Variants in ADAMTS19 observed in about 807,000 individuals in gnomAD.
ADAMTS19 encodes ADAM metallopeptidase with thrombospondin type 1 motif 19, also known as A disintegrin and metalloproteinase with thrombospondin motifs 19.
In ADAMTS19, 93 loss-of-function variants were observed where a neutral mutation model predicts 153.3. The observed-to-expected ratio is 0.61, with a 90% CI of 0.51 to 0.72. ADAMTS19 has a LOEUF of 0.72. Among genes scored for constraint, ADAMTS19 ranks in the 30% least tolerant of loss-of-function variants. The probability of loss-of-function intolerance (pLI) is 0.00; values close to 1 mark genes in which losing one functional copy is unlikely to be tolerated. For missense variants in ADAMTS19, 1,482 were observed against 1,552.1 expected, an observed-to-expected ratio of 0.95 and a Z score of 0.76; for synonymous variants, 600 against 556.6, an observed-to-expected ratio of 1.08 and a Z score of -1.10.
intron 6 of ADAMTS19, among the ~76,000 whole-genome samples, chr5:129,536,420 T>G (rs1430572790): frequency 2.6e-5 from 4 of 152,168 alleles, no homozygotes; most frequent in African/African-American, 7.2e-5. Context: ...CAACAGGTGC[T>G]GGAGAGGATG....
chr5:129,510,485 C>T (rs114605767), intron 3 of ADAMTS19, among the ~76,000 whole-genome samples: 128 of 151,850 alleles, frequency 8.4e-4, no homozygotes, highest in African/African-American at 3.0e-3. Flanking sequence ...TAAGACATAT[C>T]CCTCTTCTCT....
chr5:129,479,819 A>G (rs976910821), intron 2 of ADAMTS19, among the ~76,000 whole-genome samples: 8 of 152,180 alleles, frequency 5.3e-5, no homozygotes, highest in African/African-American at 1.9e-4. Context: ...ATTAAGGAAT[A>G]TCTACATAAA....
intron 7 of ADAMTS19, among the ~76,000 whole-genome samples, chr5:129,566,778 G>T (rs1753730698): frequency 6.6e-6 from 1 of 152,110 alleles, no homozygotes; most frequent in African/African-American, 2.4e-5. Context: ...AGCAGCAGGG[G>T]TAGTAACAGT....
chr5:129,701,947 T>A (rs1755881729), intron 20 of ADAMTS19, among the ~76,000 whole-genome samples: 1 of 152,246 alleles, frequency 6.6e-6, no homozygotes, highest in African/African-American at 2.4e-5. Flanking sequence ...AGAAAATTAA[T>A]GTTTAATTAT....
At position 129,461,131 on chromosome 5, in the gene ADAMTS19, TG is replaced by T; in HGVS notation, c.124del (p.Glu42LysfsTer208). On this transcript the variant is annotated frameshift_variant, in exon 2 of 23. Transcript: ENST00000274487. LOFTEE classifies it high-confidence loss of function. This position sits in a 1 kb window ranked among gnomAD's most constrained non-coding sequence, Gnocchi z 4.6. ...ELQFAPDREE[W>X]EVVFPALWRR... ...GCAGTTCGCCCCCGACCGCGAGGAG[TG>T]GGAAGTCGTGTTTCCTGCGCTCTGG... 4 of 1,421,324 alleles carry T rather than the reference TG, an allele frequency of 2.8e-6. No homozygotes were observed. Among genetic ancestry groups the T allele is most frequent in the Non-Finnish European group, 1.8e-6 (2 of 1,084,950 alleles). 88.0% of individuals were successfully genotyped at this position (1,421,324 alleles called of 1,614,324 possible).
rs1186150737 is a variant in ADAMTS19 at position 129,462,612 on chromosome 5, T to TG, written c.747+856dup. Among the ~76,000 whole-genome samples, 248 of 145,792 alleles carry TG rather than the reference T, an allele frequency of 1.7e-3. 3 individuals are homozygous for TG. Among genetic ancestry groups the TG allele is most frequent in the African/African-American group, 4.6e-3 (174 of 37,972 alleles). On this transcript the variant is annotated intron_variant, in intron 2 of 22. Transcript: ENST00000274487. ...ATAAGTTGACCTTTGTGTGTGTGTG[T>TG]GTGTGGGGGGGTCAAATATGCATAA...
intron 6 of ADAMTS19, among the ~76,000 whole-genome samples, chr5:129,541,456 C>G (rs1280644825): frequency 1.3e-5 from 2 of 151,898 alleles, no homozygotes; most frequent in Admixed American, 1.3e-4. Flanking sequence ...GATTCTTGAC[C>G]CTAAGGTGAA....
intron 11 of ADAMTS19, among the ~76,000 whole-genome samples, chr5:129,646,184 G>A (rs773812402): frequency 3.3e-5 from 5 of 151,886 alleles, no homozygotes; most frequent in Non-Finnish European, 5.9e-5. Context: ...CACCGCGCCC[G>A]GCCTCCTTTT....
chr5:129,515,057 G>A (rs547755388), intron 3 of ADAMTS19, among the ~76,000 whole-genome samples: 8 of 151,862 alleles, frequency 5.3e-5, no homozygotes, highest in East Asian at 3.9e-4. Flanking sequence ...TCTTTTCCCC[G>A]GTGTATGTTC....
chr5:129,524,885 C>T (rs1464179790), intron 3 of ADAMTS19, among the ~76,000 whole-genome samples: 1 of 152,078 alleles, frequency 6.6e-6, no homozygotes, highest in Non-Finnish European at 1.5e-5. Flanking sequence ...CATTTCTTCC[C>T]AGGCTTTGAT....
rs144481423 is a variant in ADAMTS19, at chr5:129,507,995, A to G, written c.748-1082A>G. Among the ~76,000 whole-genome samples the G allele has an allele frequency of 4.9e-3, 746 of 152,094 alleles. 11 individuals are homozygous for G. Among genetic ancestry groups the G allele is most frequent in the East Asian group, 0.038 (198 of 5,180 alleles). ...AACAAATTAAAAAAAATTCTGCTAT[A>G]CTTCCAAAGAAAACATGCATTTCCT... On this transcript the variant is annotated intron_variant, in intron 2 of 22. Transcript: ENST00000274487.
At chr5:129,702,941 A>AATAT (rs59614056) in intron 20 of ADAMTS19, among the ~76,000 whole-genome samples, 454 of 29,134 alleles carry the variant, frequency 0.016, 11 homozygotes, top group African/African-American at 0.034. Flanking sequence ...AAAAAAAAAA[A>AATAT]ATATATATAT....
chr5:129,707,226 G>A (rs1276386944), intron 21 of ADAMTS19, among the ~76,000 whole-genome samples: 2 of 152,154 alleles, frequency 1.3e-5, no homozygotes, highest in African/African-American at 4.8e-5. Context: ...TACTTGGGCT[G>A]TCCTAAAACC....
intron 8 of ADAMTS19, among the ~76,000 whole-genome samples, chr5:129,605,340 A>T (rs1164165421): frequency 6.6e-6 from 1 of 152,114 alleles, no homozygotes; most frequent in Non-Finnish European, 1.5e-5. Flanking sequence ...CCTTCTTACC[A>T]ACTGTGCTCC....
intron 21 of ADAMTS19, among the ~76,000 whole-genome samples, chr5:129,733,501 T>C (rs1352815048): frequency 6.6e-6 from 1 of 151,966 alleles, no homozygotes; most frequent in South Asian, 2.1e-4. Context: ...GCAAAGGACA[T>C]GAACACACAT....
chr5:129,713,758 TA>T (rs370266801), intron 21 of ADAMTS19, among the ~76,000 whole-genome samples: 783 of 128,186 alleles, frequency 6.1e-3, no homozygotes, highest in Middle Eastern at 8.5e-3. Flanking sequence ...AGACTCTATC[TA>T]AAAAAAAAAA....
chr5:129,714,059 A>G (rs574816817), intron 21 of ADAMTS19, among the ~76,000 whole-genome samples: 1 of 152,352 alleles, frequency 6.6e-6, no homozygotes, highest in South Asian at 2.1e-4. Flanking sequence ...GTGTAGTCCA[A>G]GGAAATGTAT....
rs930115833 is a variant in ADAMTS19 at position 129,685,089 on chromosome 5, G to A, written c.2818+816G>A. On this transcript the variant is annotated intron_variant, in intron 18 of 22. Transcript: ENST00000274487. Reference sequence around the variant, plus strand: ...GTTGGACATCTAAGTGTGATGTCAAGTAAGCAGTTAGGTATATAAGTCTGG... The same window carrying A: ...GTTGGACATCTAAGTGTGATGTCAAATAAGCAGTTAGGTATATAAGTCTGG... 2.6e-5 allele frequency among the ~76,000 whole-genome samples: 4 copies of A among 152,150 alleles called. 1 individual carries two copies. Among genetic ancestry groups the A allele is most frequent in the Non-Finnish European group, 4.4e-5 (3 of 68,006 alleles).
At chr5:129,522,332 C>CACACACACACACACACAT (rs1309115957) in intron 3 of ADAMTS19, among the ~76,000 whole-genome samples, 2 of 58,626 alleles carry the variant, frequency 3.4e-5, no homozygotes, top group African/African-American at 1.8e-4. Flanking sequence ...CACACACACA[C>CACACACACACACACACAT]ATATATATAT....
Sources: gnomAD v4.1 joint callset for allele counts (sites outside exome capture counted in the v4.1 genomes callset) on GRCh38, gnomAD v4.1.1 for gene constraint, Gnocchi (gnomAD v3.1) non-coding constraint, MANE v1.5 for transcripts, NCBI Gene and HGNC (gene_info 2026-07-23, HGNC 2026-07-21) for gene names.